CCDC33: variants seen among roughly 807,000 people sequenced by gnomAD.
CCDC33 encodes the protein coiled-coil domain containing 33.
A neutral mutation model predicts 91.9 loss-of-function variants in CCDC33; 94 were observed. The ratio of observed to expected loss-of-function variants is 1.02; its 90% CI spans 0.87 to 1.21. The LOEUF (loss-of-function observed/expected upper bound fraction) is 1.21. Among genes scored for constraint, CCDC33 ranks in the 50% most tolerant of loss-of-function variants. The pLI, the probability that CCDC33 is intolerant of heterozygous loss-of-function variation, is 0.00. For synonymous variants in CCDC33, 396 were observed against 374.5 expected, an observed-to-expected ratio of 1.06 and a Z score of -0.66; for missense variants, 940 against 935.5, an observed-to-expected ratio of 1.00 and a Z score of -0.06.
At chr15:74,249,313 C>T (rs1157775883) in intron 2 of CCDC33, among the ~76,000 whole-genome samples, 2 of 151,754 alleles carry the variant, frequency 1.3e-5, no homozygotes, top group Non-Finnish European at 2.9e-5. Context: ...AGTGAAACCC[C>T]GTCTCTACTA....
intron 11 of CCDC33, chr15:74,300,953 T>C (rs2142658163): frequency 6.6e-6 from 1 of 152,396 alleles, no homozygotes; most frequent in East Asian, 1.9e-4. Context: ...TACAAAACTC[T>C]GGTCCTGGGT....
At position 74,286,307 on chromosome 15, in the gene CCDC33, CA is replaced by C. The variant is rs1567000411; in HGVS notation, c.1095+4459del. Among the ~76,000 whole-genome samples, 21 of 152,318 alleles carry C rather than the reference CA, an allele frequency of 1.4e-4. No homozygotes were observed. In the East Asian group the frequency reaches 3.9e-3, roughly 28 times the overall value. On this transcript the variant is annotated intron_variant, in intron 10 of 18. Transcript: ENST00000398814. ...CCTATGGCTACTCCACATACACACA[CA>C]CACAGAAACCTTTGGTCTCCTCCAT...
intron 11 of CCDC33, among the ~76,000 whole-genome samples, chr15:74,327,008 T>A (rs2142853898): frequency 1.3e-5 from 2 of 152,272 alleles, no homozygotes; most frequent in African/African-American, 4.8e-5. Flanking sequence ...AGGTCACTGC[T>A]GTGCGGGTGG....
intron 7 of CCDC33, among the ~76,000 whole-genome samples, chr15:74,273,795 G>C (rs2076382748): frequency 6.7e-6 from 1 of 149,478 alleles, no homozygotes; most frequent in East Asian, 2.0e-4. Flanking sequence ...CAGAGGAGAG[G>C]GATGTAAAGC....
intron 10 of CCDC33, among the ~76,000 whole-genome samples, chr15:74,290,747 G>A (rs1596042515): frequency 6.6e-6 from 1 of 152,220 alleles, no homozygotes; most frequent in Admixed American, 6.5e-5. Context: ...CTAGATTGTA[G>A]AGGACCTGGG....
At chr15:74,291,079 G>A (rs1173983206) in intron 10 of CCDC33, among the ~76,000 whole-genome samples, 1 of 152,222 alleles carries the variant, frequency 6.6e-6, no homozygotes, top group African/African-American at 2.4e-5. Context: ...TCTGGCAAAT[G>A]AATCATGGCC....
intron 1 of CCDC33, chr15:74,207,800 TCA>T: frequency 2.0e-6 from 3 of 1,534,664 alleles, no homozygotes; most frequent in South Asian, 1.2e-5. Flanking sequence ...CACAGCACAC[TCA>T]CACACACATC....
chr15:74,224,433 C>T (rs1170344970), intron 2 of CCDC33, among the ~76,000 whole-genome samples: 1 of 152,190 alleles, frequency 6.6e-6, no homozygotes, highest in African/African-American at 2.4e-5. Context: ...CTTGCCCAAG[C>T]CTGTCCCTCC....
intron 10 of CCDC33, among the ~76,000 whole-genome samples, chr15:74,291,589 T>C (rs1439810766): frequency 1.3e-5 from 2 of 152,220 alleles, no homozygotes; most frequent in Non-Finnish European, 2.9e-5. Flanking sequence ...TAAGAGCATG[T>C]GCGCTCCAGC....
upstream of CCDC33, among the ~76,000 whole-genome samples, chr15:74,216,275 T>C (rs1179087068): frequency 1.3e-5 from 2 of 151,548 alleles, no homozygotes; most frequent in African/African-American, 4.8e-5. Flanking sequence ...AAAATGGCCA[T>C]ACTGTGGTCT....
chr15:74,312,793 C>G (rs1225371650), intron 11 of CCDC33, among the ~76,000 whole-genome samples: 1 of 152,110 alleles, frequency 6.6e-6, no homozygotes, highest in East Asian at 1.9e-4. Context: ...CAGTCTAGGA[C>G]CCCTGAAGGC....
intron 2 of CCDC33, among the ~76,000 whole-genome samples, chr15:74,248,982 T>G (rs888383391): frequency 5.3e-5 from 8 of 152,124 alleles, no homozygotes; most frequent in African/African-American, 1.7e-4. Flanking sequence ...GTGCCTTAAA[T>G]CAGCTTAGAT....
chr15:74,288,941 A>C (rs1403373831), intron 10 of CCDC33, among the ~76,000 whole-genome samples: 1 of 152,226 alleles, frequency 6.6e-6, no homozygotes, highest in Non-Finnish European at 1.5e-5. Flanking sequence ...AGATTGAATG[A>C]GGAAGCATGT....
At chr15:74,271,033 G>A (rs1215929365) in intron 5 of CCDC33, among the ~76,000 whole-genome samples, 5 of 152,076 alleles carry the variant, frequency 3.3e-5, no homozygotes, top group South Asian at 4.2e-4. Flanking sequence ...CCAGAGATGC[G>A]GATGCTATGA....
intron 10 of CCDC33, among the ~76,000 whole-genome samples, chr15:74,285,426 C>T (rs1192279074): frequency 6.6e-6 from 1 of 152,156 alleles, no homozygotes; most frequent in Non-Finnish European, 1.5e-5. Context: ...CCCAGTCTCT[C>T]CTCCTGTGCT....
chr15:74,234,578 T>C (rs540282115), upstream of CCDC33, among the ~76,000 whole-genome samples: 3 of 151,608 alleles, frequency 2.0e-5, no homozygotes, highest in South Asian at 6.3e-4. Flanking sequence ...AGTCAGGAGG[T>C]AGAAGGGCCC....
intron 11 of CCDC33, among the ~76,000 whole-genome samples, chr15:74,310,188 A>T (rs1273446109): frequency 6.6e-6 from 1 of 151,960 alleles, no homozygotes; most frequent in Non-Finnish European, 1.5e-5. Context: ...CTCTGGGAAG[A>T]TGGTTAGGAG....
At position 74,334,062 on chromosome 15, in the gene CCDC33, A is replaced by G. The variant is rs2060500331; in HGVS notation, c.2025+95A>G. The G allele has an allele frequency of 3.6e-6, 4 of 1,097,368 alleles. No individual in the cohort carries two copies. The East Asian group carries it at 7.7e-5, about 21-fold the overall frequency. 68.0% of individuals were successfully genotyped at this position (1,097,368 alleles called of 1,614,324 possible). On this transcript the variant is annotated intron_variant, in intron 17 of 18. Coordinates refer to ENST00000398814, the MANE Select transcript of CCDC33 (RefSeq NM_025055.5). ...TGTGAGCAGAGTCTAGGCTCAATCT[A>G]TGACCAGGATCAAGGCTTAGTGTGT...
At chr15:74,285,160 C>T (rs1399331403) in intron 10 of CCDC33, among the ~76,000 whole-genome samples, 2 of 151,254 alleles carry the variant, frequency 1.3e-5, no homozygotes, top group East Asian at 2.0e-4. Context: ...ATGCGCGTGC[C>T]GTATTTGGGC....
Sources: gnomAD v4.1 joint callset for allele counts (sites outside exome capture counted in the v4.1 genomes callset) on GRCh38, gnomAD v4.1.1 for gene constraint, MANE v1.5 for transcripts, NCBI Gene and HGNC (gene_info 2026-07-23, HGNC 2026-07-21) for gene names.